Variants in RAB34 observed in about 807,000 individuals in gnomAD.
RAB34 encodes the protein RAB34, member RAS oncogene family.
A neutral mutation model predicts 39.0 loss-of-function variants in RAB34; 33 were observed. That is an observed-to-expected ratio of 0.85 (90% CI 0.64 to 1.13). The LOEUF is 1.13. Ranked by LOEUF, RAB34 falls within the 50% of genes most tolerant of loss-of-function variation. The pLI, the probability that RAB34 is intolerant of heterozygous loss-of-function variation, is 0.00. For missense variants in RAB34, 289 were observed against 326.1 expected, an observed-to-expected ratio of 0.89 and a Z score of 0.88; for synonymous variants, 135 against 125.1, an observed-to-expected ratio of 1.08 and a Z score of -0.53.
Position 28,716,991 on chromosome 17 carries a change from G to A in RAB34, c.58C>T (p.Leu20=). The stretch of plus-strand genomic sequence containing the variant: ...CCGTGCAAAGCGGCCTCCTTCCTCA[G>A]GCACTTAGTGGGAAGGATGGAAGAG... ...DRVLAELPQC[L]RKEAALHGHK... The change falls in exon 2 of 10, where the codon CTG becomes TTG. Residue 20 remains leucine, a synonymous_variant. Coordinates refer to ENST00000395245, the MANE Select transcript of RAB34 (RefSeq NM_031934.6). 2 of 1,613,438 alleles carry A rather than the reference G, an allele frequency of 1.2e-6. No individual in the cohort carries two copies. Among genetic ancestry groups the A allele is most frequent in the Non-Finnish European group, 1.7e-6 (2 of 1,179,822 alleles).
rs190293462 is a variant in RAB34, at chr17:28,717,649, T to C, written c.-383A>G. On this transcript the variant is annotated 5_prime_UTR_variant, in exon 1 of 10. The change abolishes the stop of an existing upstream ORF in the 5' untranslated region. Coordinates refer to ENST00000395245, the MANE Select transcript of RAB34 (RefSeq NM_031934.6). ...CGATTACGCGGGGCCGGATGGTTCC[T>C]ACAATAACCCGGGGCCGCGGAGACC... is the stretch of plus-strand genomic sequence containing the variant. 4.4e-3 allele frequency: 5,988 copies of C among 1,356,274 alleles called. 13 individuals are homozygous for C. Among genetic ancestry groups the C allele is most frequent in the Admixed American group, 8.6e-3 (236 of 27,508 alleles). The allele number at this position is 1,356,274 out of a possible 1,614,324, so 84.0% of individuals were successfully genotyped here.
At chr17:28,715,005 A>G in intron 8 of RAB34, 27 bp downstream of exon 8, 10 of 1,609,346 alleles carry the variant, frequency 6.2e-6, no homozygotes, top group Non-Finnish European at 8.5e-6. Flanking sequence ...AGAGTGTCAC[A>G]GCAGAGCCCT....
upstream of RAB34, chr17:28,718,391 T>C (rs2033889737): frequency 9.3e-6 from 7 of 756,264 alleles, no homozygotes; most frequent in Non-Finnish European, 1.5e-5. Context: ...ACGTCTGAAG[T>C]CTGGCGTCTT....
At chr17:28,715,744 G>A (rs1262351303) in intron 4 of RAB34, 39 bp from the exon 5 acceptor site, 1 of 1,612,842 alleles carries the variant, frequency 6.2e-7, no homozygotes, top group Non-Finnish European at 8.5e-7. Flanking sequence ...TATGTATCTT[G>A]GGGGGTGTGG....
At chr17:28,716,433 A>G in intron 2 of RAB34, 1 of 285,850 alleles carries the variant, frequency 3.5e-6, no homozygotes. Context: ...CCGCATTTTA[A>G]TGTCTGAAAT....
chr17:28,717,049 C>G, intron 1 of RAB34, 55 bp from the exon 2 acceptor site: 1 of 1,596,576 alleles, frequency 6.3e-7, no homozygotes, highest in Non-Finnish European at 8.6e-7. Context: ...CCTTGTCCCG[C>G]AGCCAAGCGG....
In RAB34 at chr17:28,717,394, G is replaced by A; in HGVS notation, c.-128C>T. The A allele has an allele frequency of 6.6e-7, 1 of 1,515,952 alleles. No individual in the cohort carries two copies. Among genetic ancestry groups the A allele is most frequent in the Non-Finnish European group, 8.8e-7 (1 of 1,133,132 alleles). The allele number at this position is 1,515,952 out of a possible 1,614,324, so 93.9% of individuals were successfully genotyped here. A position where few individuals can be genotyped will look rare whatever the true frequency, so the allele number is the denominator to read the frequency against. Reference sequence around the variant, plus strand: ...TCCCGACTACAACTCGGGGCCACGGGGACCCTACGGGAGTCCGCGGTCTCG... The same window carrying A: ...TCCCGACTACAACTCGGGGCCACGGAGACCCTACGGGAGTCCGCGGTCTCG... On this transcript the variant is annotated 5_prime_UTR_variant, in exon 1 of 10. Transcript: ENST00000395245.
At position 28,717,317 on chromosome 17, in the gene RAB34, G is replaced by C; in HGVS notation, c.-51C>G. The C allele has an allele frequency of 6.4e-7, 1 of 1,550,766 alleles. No homozygotes were observed. The highest frequency in any genetic ancestry group is 8.7e-7 in the Non-Finnish European group (1 of 1,152,402). On this transcript the variant is annotated 5_prime_UTR_variant, in exon 1 of 10. Coordinates refer to ENST00000395245, the MANE Select transcript of RAB34 (RefSeq NM_031934.6). Reference sequence around the variant, plus strand: ...CTGAGAAGGCGCCGAGGCCGGATCCGCGTCAGCGACCCGGGCGCGTGGAGA... The same window carrying C: ...CTGAGAAGGCGCCGAGGCCGGATCCCCGTCAGCGACCCGGGCGCGTGGAGA...
chr17:28,716,035 A>G lies in RAB34; in HGVS notation c.170T>C (p.Val57Ala), dbSNP rs746190667. 6.2e-7 allele frequency: 1 copy of G among 1,613,958 alleles called. No individual in the cohort carries two copies. Among genetic ancestry groups the G allele is most frequent in the Non-Finnish European group, 8.5e-7 (1 of 1,179,992 alleles). ...TVGFKISKVI[V>A]VGDLSVGKTC... ...CTTCCCCACCGACAGGTCCCCCACC[A>G]CAATGACCTTGGAGATCTTAAATCT... The change falls in exon 3 of 10, where the codon GTG becomes GCG. Residue 57 changes from valine (V) to alanine (A), a missense_variant. Physicochemically the swap from Val to Ala is moderately conservative, Grantham distance 64. Coordinates refer to ENST00000395245, the MANE Select transcript of RAB34 (RefSeq NM_031934.6).
rs2033769020 is a variant in RAB34 at position 28,717,660 on chromosome 17, G to T, written c.-394C>A. 1.5e-6 allele frequency: 2 copies of T among 1,365,892 alleles called. No homozygotes were observed. The highest frequency in any genetic ancestry group is 3.1e-5 in the African/African-American group (2 of 65,402). 84.6% of individuals were successfully genotyped at this position (1,365,892 alleles called of 1,614,324 possible). ...GGCCGGATGGTTCCTACAATAACCC[G>T]GGGCCGCGGAGACCCGACGTCATCT... On this transcript the variant is annotated 5_prime_UTR_variant, in exon 1 of 10. Transcript: ENST00000395245.
intron 2 of RAB34, 69 bp downstream of exon 2, chr17:28,716,834 G>T: frequency 6.5e-7 from 1 of 1,542,672 alleles, no homozygotes; most frequent in Non-Finnish European, 8.8e-7. Context: ...GGGGGTGGTT[G>T]TTTACCCTCG....
rs1036097235 is a variant in RAB34, at chr17:28,714,435, G to A, written c.*208C>T. 2 of 1,016,544 alleles carry A rather than the reference G, an allele frequency of 2.0e-6. No individual in the cohort carries two copies. The highest frequency in any genetic ancestry group is 3.0e-6 in the Non-Finnish European group (2 of 666,864). The allele number at this position is 1,016,544 out of a possible 1,614,324, so 63.0% of individuals were successfully genotyped here. A position where few individuals can be genotyped will look rare whatever the true frequency, so the allele number is the denominator to read the frequency against. ...GGCGCCCTGGACAGTCCCCTGAGGA[G>A]TAGGGGGCATCCAGTCTTTGGCACG... On this transcript the variant is annotated 3_prime_UTR_variant, in exon 10 of 10. Transcript: ENST00000395245.
At position 28,714,599 on chromosome 17, in the gene RAB34, C is replaced by G. The variant is rs1193522649; in HGVS notation, c.*44G>C. On this transcript the variant is annotated 3_prime_UTR_variant, in exon 10 of 10. Coordinates refer to ENST00000395245, the MANE Select transcript of RAB34 (RefSeq NM_031934.6). ...AAGCTCTGGAGGAATGAGGGTGGCA[C>G]AGTGCCCTAGGGCTGGGCAGTCTCT... 6.2e-7 allele frequency: 1 copy of G among 1,613,894 alleles called. No homozygotes were observed. The highest frequency in any genetic ancestry group is 8.5e-7 in the Non-Finnish European group (1 of 1,180,022).
intron 1 of RAB34, 54 bp from the exon 2 acceptor site, chr17:28,717,048 G>A (rs2033580909): frequency 6.3e-7 from 1 of 1,595,434 alleles, no homozygotes; most frequent in Non-Finnish European, 8.6e-7. Context: ...CCCTTGTCCC[G>A]CAGCCAAGCG....
Position 28,717,276 on chromosome 17 carries a change from G to A in RAB34, c.-10C>T. On this transcript the variant is annotated 5_prime_UTR_variant, in exon 1 of 10. Coordinates refer to ENST00000395245, the MANE Select transcript of RAB34 (RefSeq NM_031934.6). ...GTGCCAGAATGTTCATCCTGCCTGCGGCCTTGCAGGGCGCCCTGAGAAGGC... is the reference window on the plus strand; with the variant it reads ...GTGCCAGAATGTTCATCCTGCCTGCAGCCTTGCAGGGCGCCCTGAGAAGGC... The A allele has an allele frequency of 2.5e-6, 4 of 1,596,480 alleles. No individual in the cohort carries two copies. The highest frequency in any genetic ancestry group is 1.1e-5 in the South Asian group (1 of 89,358).
Position 28,715,451 on chromosome 17 carries a change from C to T in RAB34, c.431+5G>A. On this transcript the variant is annotated splice_donor_5th_base_variant and intron_variant, in intron 6 of 9. Coordinates refer to ENST00000395245, the MANE Select transcript of RAB34 (RefSeq NM_031934.6). ...CTCCCATTATATTGCAGGATGCTCA[C>T]TTACTTGGTATGTTCCAGAGATGCC... is the stretch of plus-strand genomic sequence containing the variant. 3.1e-6 allele frequency: 5 copies of T among 1,613,754 alleles called. No individual in the cohort carries two copies. The highest frequency in any genetic ancestry group is 4.2e-6 in the Non-Finnish European group (5 of 1,179,816).
chr17:28,715,699 A>C lies in RAB34; in HGVS notation c.321T>G (p.Asp107Glu). ...ATTTGAACCTCTCCTGCCCAGCGGT[A>C]TCCCAACTGGAAGGAAGGAAGAGTG... ...LGIPFSLQLW[D>E]TAGQERFKCI... The change falls in exon 5 of 10, where the codon GAT becomes GAG. Residue 107 changes from aspartate to glutamate, a missense_variant. By Grantham distance (45) the Asp-to-Glu change is conservative (BLOSUM62 2). Coordinates refer to ENST00000395245, the MANE Select transcript of RAB34 (RefSeq NM_031934.6). 1 of 1,614,136 alleles carries C rather than the reference A, an allele frequency of 6.2e-7. No individual in the cohort carries two copies. Among genetic ancestry groups the C allele is most frequent in the South Asian group, 1.1e-5 (1 of 91,076 alleles).
At chr17:28,718,397 G>T (rs2033890452), upstream of RAB34, 2 of 717,878 alleles carry the variant, frequency 2.8e-6, no homozygotes, top group Non-Finnish European at 4.5e-6. Flanking sequence ...GAAGTCTGGC[G>T]TCTTTTCCTT....
upstream of RAB34, chr17:28,718,046 C>T (rs1292806502): frequency 4.9e-6 from 7 of 1,434,586 alleles, no homozygotes; most frequent in African/African-American, 3.0e-5. Flanking sequence ...AGGCTGGAGC[C>T]TATCCAGATA....
Sources: allele counts gnomAD v4.1 joint callset, GRCh38; gene constraint gnomAD v4.1.1; transcripts MANE v1.5; gene names NCBI Gene and HGNC (gene_info 2026-07-23, HGNC 2026-07-21).